The following LNPK variants were observed in gnomAD, a reference collection of about 807,000 sequenced individuals.
LNPK encodes the protein endoplasmic reticulum junction formation protein lunapark.
LNPK carries 29 observed loss-of-function variants against 55.2 expected under a neutral mutation model. The observed-to-expected ratio is 0.53, with a 90% CI of 0.39 to 0.72. The LOEUF is 0.72. LNPK is among the 30% of genes least tolerant of loss of function. The pLI is 0.00. For missense variants in LNPK, 467 were observed against 494.8 expected (o/e 0.94, Z 0.53); for synonymous variants, 162 against 168.2 (o/e 0.96, Z 0.29).
chr2:175,979,346 C>T (rs1423417570), intron 5 of LNPK, among the ~76,000 whole-genome samples: 1 of 151,978 alleles, frequency 6.6e-6, no homozygotes, highest in Non-Finnish European at 1.5e-5. Context: ...ATTGCCTGAG[C>T]TCAGGAGTTC....
chr2:175,966,074 C>T (rs533389099), intron 6 of LNPK, among the ~76,000 whole-genome samples: 88 of 152,120 alleles, frequency 5.8e-4, no homozygotes, highest in African/African-American at 2.0e-3. Context: ...TGTTTTGTTT[C>T]ATTTTGTTTT....
chr2:175,979,512 C>T (rs1037013731), intron 5 of LNPK, among the ~76,000 whole-genome samples: 3 of 151,600 alleles, frequency 2.0e-5, no homozygotes, highest in South Asian at 2.1e-4. Flanking sequence ...GAGCCGAGAT[C>T]GTGCCACTGC....
chr2:175,935,481 T>C (rs145265330), intron 12 of LNPK, among the ~76,000 whole-genome samples: 3 of 152,348 alleles, frequency 2.0e-5, no homozygotes, highest in East Asian at 1.9e-4. Flanking sequence ...CAGCTTGGAA[T>C]TGATAACTGT....
chr2:175,944,960 G>T (rs187755826), intron 9 of LNPK, among the ~76,000 whole-genome samples: 1 of 151,384 alleles, frequency 6.6e-6, no homozygotes, highest in African/African-American at 2.4e-5. Context: ...ACACAGTGGC[G>T]ATATCTCAGT....
intron 5 of LNPK, among the ~76,000 whole-genome samples, chr2:175,976,916 A>C (rs1686939200): frequency 6.6e-6 from 1 of 152,028 alleles, no homozygotes; most frequent in Admixed American, 6.6e-5. Context: ...AATATTTCCT[A>C]TTGGTTCTGT....
intron 12 of LNPK, among the ~76,000 whole-genome samples, chr2:175,935,484 A>G (rs1169911120): frequency 1.3e-5 from 2 of 152,364 alleles, no homozygotes; most frequent in East Asian, 1.9e-4. Context: ...CTTGGAATTG[A>G]TAACTGTGTG....
intron 11 of LNPK, 60 bp downstream of exon 11, chr2:175,938,253 G>T: frequency 9.8e-7 from 1 of 1,017,614 alleles, no homozygotes. Context: ...CATAGAAAAT[G>T]GCATAGAATA....
At chr2:175,935,548 A>G (rs1252188886) in intron 12 of LNPK, among the ~76,000 whole-genome samples, 1 of 152,252 alleles carries the variant, frequency 6.6e-6, no homozygotes, top group African/African-American at 2.4e-5. Flanking sequence ...TGGAAAGCCA[A>G]AGAAAAAGAT....
chr2:175,996,192 C>T (rs1450427197), intron 1 of LNPK, among the ~76,000 whole-genome samples: 1 of 152,160 alleles, frequency 6.6e-6, no homozygotes, highest in African/African-American at 2.4e-5. Flanking sequence ...TTTTAAATGA[C>T]AATGCAGTTT....
chr2:175,930,915 T>A (rs1033992906), intron 12 of LNPK, among the ~76,000 whole-genome samples: 1 of 152,108 alleles, frequency 6.6e-6, no homozygotes, highest in Non-Finnish European at 1.5e-5. Context: ...AGGGTACTAG[T>A]CCCTACATGA....
upstream of LNPK, chr2:176,002,283 C>G (rs1437636047): frequency 2.3e-6 from 1 of 443,148 alleles, no homozygotes; most frequent in Non-Finnish European, 4.5e-6. Context: ...GGGCCAACTC[C>G]TTCCCATGAA....
chr2:175,954,337 CA>C (rs1292381554), intron 8 of LNPK, among the ~76,000 whole-genome samples: 2 of 152,098 alleles, frequency 1.3e-5, no homozygotes, highest in African/African-American at 4.8e-5. Flanking sequence ...GAGTGATAAA[CA>C]GGAAAATGGC....
chr2:175,981,327 A>G (rs959692901), intron 4 of LNPK, among the ~76,000 whole-genome samples: 5 of 152,226 alleles, frequency 3.3e-5, no homozygotes, highest in African/African-American at 1.2e-4. Context: ...AAGTCTATGA[A>G]AAGGTCCATG....
rs182916217 is a variant in LNPK at position 175,987,529 on chromosome 2, G to C, written c.257+4702C>G. Among the ~76,000 whole-genome samples, 858 of 152,158 alleles carry C rather than the reference G, an allele frequency of 5.6e-3. 7 individuals are homozygous for C. The highest frequency in any genetic ancestry group is 0.018 in the African/African-American group (734 of 41,522). ...CACACACCAGGGCCTGTTGTGGGGTGGGGGGAGCAGGGAGGGATAGCATTA... is the reference window on the plus strand; with the variant it reads ...CACACACCAGGGCCTGTTGTGGGGTCGGGGGAGCAGGGAGGGATAGCATTA... On this transcript the variant is annotated intron_variant, in intron 4 of 12. Transcript: ENST00000272748.
intron 9 of LNPK, among the ~76,000 whole-genome samples, chr2:175,941,851 C>CA (rs58355662): frequency 0.13 from 12,596 of 99,938 alleles, 1,304 homozygotes; most frequent in African/African-American, 0.33. Context: ...AAAAAAAAAA[C>CA]AAAAAAAAAA....
intron 8 of LNPK, 119 bp from the exon 9 acceptor site, chr2:175,947,811 C>G: frequency 3.5e-6 from 2 of 569,024 alleles, no homozygotes; most frequent in Non-Finnish European, 6.0e-6. Context: ...GTCAAAATTA[C>G]TTATAATAAT....
intron 5 of LNPK, among the ~76,000 whole-genome samples, chr2:175,971,491 C>T (rs1343567568): frequency 1.3e-5 from 2 of 152,076 alleles, no homozygotes; most frequent in Non-Finnish European, 2.9e-5. Context: ...GATTGAAACA[C>T]TATTCCCTAA....
intron 6 of LNPK, among the ~76,000 whole-genome samples, chr2:175,967,032 CTA>C (rs1463485304): frequency 2.6e-5 from 4 of 152,170 alleles, no homozygotes; most frequent in African/African-American, 4.8e-5. Context: ...GAACAAGAAA[CTA>C]GAATTCTTGA....
chr2:175,949,349 T>C (rs1685293829), intron 8 of LNPK, among the ~76,000 whole-genome samples: 2 of 152,202 alleles, frequency 1.3e-5, no homozygotes, highest in African/African-American at 2.4e-5. Context: ...AGGAAAGCCA[T>C]TAAATGCTGC....
Sources: gnomAD v4.1 joint callset for allele counts (sites outside exome capture counted in the v4.1 genomes callset) on GRCh38, gnomAD v4.1.1 for gene constraint, MANE v1.5 for transcripts, NCBI Gene and HGNC (gene_info 2026-07-23, HGNC 2026-07-21) for gene names.